ACACA: variants seen among roughly 807,000 people sequenced by gnomAD.
The protein encoded by ACACA is acetyl-CoA carboxylase 1.
Under a neutral mutation model 296.1 loss-of-function variants are expected in ACACA, and 103 were observed. That is an observed-to-expected ratio of 0.35 (90% CI 0.30 to 0.41). ACACA has a LOEUF of 0.41. Ranked by LOEUF, ACACA falls within the 10% of genes least tolerant of loss-of-function variation. ACACA has a pLI of 1.00. For missense variants in ACACA, 1,554 were observed against 2,989.7 expected, an observed-to-expected ratio of 0.52 and a Z score of 11.20; for synonymous variants, 953 against 1,038.6, an observed-to-expected ratio of 0.92 and a Z score of 1.58.
rs76855979 is a variant in ACACA at position 37,378,412 on chromosome 17, C to T, written c.38+27850G>A. Among the ~76,000 whole-genome samples the T allele has an allele frequency of 1.0e-3, 155 of 152,234 alleles. 2 individuals are homozygous for T. The East Asian group carries it at 0.015, about 15-fold the overall frequency. The stretch of plus-strand genomic sequence containing the variant: ...GGAAATGGGTTAGCTTGGCACTGTT[C>T]AGATTAAAAACCAGCTTTGGCCAGG... On this transcript the variant is annotated intron_variant, in intron 1 of 55. Coordinates refer to ENST00000616317, the MANE Select transcript of ACACA (RefSeq NM_198834.3).
intron 3 of ACACA, among the ~76,000 whole-genome samples, chr17:37,317,657 T>C (rs2047159350): frequency 1.3e-5 from 2 of 152,196 alleles, no homozygotes; most frequent in Non-Finnish European, 1.5e-5. Context: ...GCAAACTTCA[T>C]TTGTAAATTT....
chr17:37,297,531 GTA>G (rs763378162), intron 3 of ACACA, among the ~76,000 whole-genome samples: 19 of 116,352 alleles, frequency 1.6e-4, no homozygotes, highest in South Asian at 2.5e-4. Context: ...ATATGTGTGT[GTA>G]TATATATATA....
chr17:37,262,111 G>C (rs1241490997), intron 11 of ACACA, among the ~76,000 whole-genome samples: 5 of 152,028 alleles, frequency 3.3e-5, no homozygotes, highest in Non-Finnish European at 5.9e-5. Flanking sequence ...AAGGATAAAG[G>C]GATAATAGGT....
At chr17:37,390,159 T>C (rs57866058) in intron 1 of ACACA, among the ~76,000 whole-genome samples, 2 of 35,854 alleles carry the variant, frequency 5.6e-5, no homozygotes, top group East Asian at 5.5e-3. Flanking sequence ...TATATATATA[T>C]ATATATATAT....
intron 55 of ACACA, 87 bp downstream of exon 55, chr17:37,088,851 G>A (rs1277092050): frequency 6.6e-7 from 1 of 1,512,436 alleles, no homozygotes; most frequent in Non-Finnish European, 9.2e-7. Context: ...TAAGATTTCT[G>A]CGATCATCTC....
chr17:37,116,430 CCT>C (rs1390353225), intron 50 of ACACA, among the ~76,000 whole-genome samples: 2 of 152,166 alleles, frequency 1.3e-5, no homozygotes, highest in African/African-American at 4.8e-5. Context: ...TGCTGGATTT[CCT>C]CTGTGTTCAG....
At chr17:37,164,517 ACTTT>A in intron 41 of ACACA, among the ~76,000 whole-genome samples, 2 of 152,276 alleles carry the variant, frequency 1.3e-5, no homozygotes, top group South Asian at 4.1e-4. Flanking sequence ...AAATCCAATC[ACTTT>A]CTAAGATAAG....
chr17:37,123,995 T>C (rs1008250974), intron 48 of ACACA, among the ~76,000 whole-genome samples: 3 of 152,240 alleles, frequency 2.0e-5, no homozygotes, highest in African/African-American at 7.2e-5. Context: ...AGATGCTACA[T>C]CTTGTTTTAT....
intron 6 of ACACA, 142 bp downstream of exon 6, chr17:37,277,754 T>C: frequency 1.5e-6 from 1 of 672,262 alleles, no homozygotes. Context: ...CTTTTCCTTA[T>C]TTGGTTTAGT....
rs2072189588 is a variant in ACACA at position 37,086,265 on chromosome 17, G to A, written c.*1051C>T. The A allele has an allele frequency of 6.5e-6, 1 of 154,596 alleles. No homozygotes were observed. The highest frequency in any genetic ancestry group is 2.4e-5 in the African/African-American group (1 of 41,580). 9.6% of individuals were successfully genotyped at this position (154,596 alleles called of 1,614,324 possible). ...GGGGAAGAGAGTAGAACCGTTAGCT[G>A]CTAGGACAGTAATCCTGGAACTAGG... On this transcript the variant is annotated 3_prime_UTR_variant, in exon 56 of 56. Transcript: ENST00000616317.
chr17:37,284,416 C>T (rs2082679208), intron 4 of ACACA, among the ~76,000 whole-genome samples: 1 of 152,150 alleles, frequency 6.6e-6, no homozygotes, highest in South Asian at 2.1e-4. Context: ...ATCAGTGCAG[C>T]CCCACCCTGT....
chr17:37,144,415 C>A, intron 45 of ACACA: 1 of 340,320 alleles, frequency 2.9e-6, no homozygotes, highest in East Asian at 6.9e-5. Context: ...CTGCCCGCCC[C>A]ACAGTGAGAG....
chr17:37,118,798 T>C (rs1462710799), intron 50 of ACACA, among the ~76,000 whole-genome samples: 2 of 152,250 alleles, frequency 1.3e-5, no homozygotes, highest in Non-Finnish European at 2.9e-5. Context: ...GATGATTATG[T>C]AAGATAATAC....
chr17:37,235,973 T>G (rs1411612693), intron 24 of ACACA, among the ~76,000 whole-genome samples: 5 of 152,186 alleles, frequency 3.3e-5, no homozygotes, highest in Non-Finnish European at 7.3e-5. Context: ...AGAAAACAGC[T>G]TACCTCAGAA....
chr17:37,334,546 A>AGGAACC (rs1289324378), intron 2 of ACACA, among the ~76,000 whole-genome samples: 1 of 152,110 alleles, frequency 6.6e-6, no homozygotes, highest in Admixed American at 6.6e-5. Flanking sequence ...AACCCTGGAT[A>AGGAACC]CTGCCAAAGG....
chr17:37,378,050 T>C lies in ACACA; in HGVS notation c.38+28212A>G, dbSNP rs2050085251. On this transcript the variant is annotated intron_variant, in intron 1 of 55. Transcript: ENST00000616317. ...AAAGATATCTCATCTTCCCACTTCC[T>C]AGCCCATATCTCAAATATCCTATTT... The C allele has an allele frequency of 4.9e-6, 6 of 1,230,040 alleles. No homozygotes were observed. The Admixed American group carries it at 1.1e-4, about 23-fold the overall frequency. 76.2% of individuals were successfully genotyped at this position (1,230,040 alleles called of 1,614,324 possible).
intron 3 of ACACA, among the ~76,000 whole-genome samples, chr17:37,287,355 T>G (rs1695534702): frequency 6.6e-6 from 1 of 152,096 alleles, no homozygotes; most frequent in African/African-American, 2.4e-5. Flanking sequence ...TGCATAAAAC[T>G]CAATGAGTGG....
intron 30 of ACACA, 86 bp downstream of exon 30, chr17:37,210,381 G>T: frequency 8.1e-7 from 1 of 1,227,366 alleles, no homozygotes; most frequent in Non-Finnish European, 1.2e-6. Context: ...ATCTTGTCAA[G>T]TGTTGTGGTT....
intron 1 of ACACA, among the ~76,000 whole-genome samples, chr17:37,342,824 C>T (rs1321064461): frequency 6.6e-6 from 1 of 151,746 alleles, no homozygotes; most frequent in African/African-American, 2.4e-5. Flanking sequence ...GCCCATGGTC[C>T]CAGCTACTTG....
Sources: gnomAD v4.1 joint callset for allele counts (sites outside exome capture counted in the v4.1 genomes callset) on GRCh38, gnomAD v4.1.1 for gene constraint, MANE v1.5 for transcripts, NCBI Gene and HGNC (gene_info 2026-07-23, HGNC 2026-07-21) for gene names.